SPDYE9: variants seen among roughly 807,000 people sequenced by gnomAD.
SPDYE9 encodes the protein Williams Beuren syndrome chromosome region 19 pseudogene.
chr7:73,085,909 AAAAG>A lies in SPDYE9; in HGVS notation c.-454+4_-454+7del. 8.3e-5 allele frequency: 1 copy of A among 12,004 alleles called. No homozygotes were observed. Among genetic ancestry groups the A allele is most frequent in the East Asian group, 1.8e-3 (1 of 548 alleles). The allele number at this position is 12,004 out of a possible 1,614,324, so 0.7% of individuals were successfully genotyped here. On this transcript the variant is annotated splice_donor_5th_base_variant and intron_variant, in intron 1 of 7. Coordinates refer to ENST00000575125, the MANE Select transcript of SPDYE9 (RefSeq NM_001382554.3). ...AAAAAAAAAAAAAACAAAAAAAACA[AAAAG>A]AACCTGTGGATGAGTTCCCACATGG...
intron 2 of SPDYE9, among the ~76,000 whole-genome samples, chr7:73,083,737 T>C (rs1157208724): frequency 4.2e-4 from 13 of 31,044 alleles, no homozygotes; most frequent in African/African-American, 3.1e-3. Context: ...TTTTCTTCTT[T>C]TTTTTTTTTT....
chr7:73,083,253 C>T (rs1398208104), intron 2 of SPDYE9, 147 bp from the exon 3 acceptor site: 1 of 36,914 alleles, frequency 2.7e-5, no homozygotes, highest in African/African-American at 1.3e-4. Context: ...CTCCTCTGCT[C>T]AACCCCATGT....
chr7:73,083,734 C>CTTTTTTTTTTTTT (rs1311738954), intron 2 of SPDYE9, among the ~76,000 whole-genome samples: 1 of 10,384 alleles, frequency 9.6e-5, no homozygotes, highest in African/African-American at 6.3e-4. Context: ...TTTTTTTCTT[C>CTTTTTTTTTTTTT]TTTTTTTTTT....
At chr7:73,083,734 C>CTTTTTTTT (rs1311738954) in intron 2 of SPDYE9, among the ~76,000 whole-genome samples, 1 of 10,382 alleles carries the variant, frequency 9.6e-5, no homozygotes, top group Non-Finnish European at 1.4e-4. Flanking sequence ...TTTTTTTCTT[C>CTTTTTTTT]TTTTTTTTTT....
At chr7:73,083,734 C>CTTTTTTT (rs1311738954) in intron 2 of SPDYE9, among the ~76,000 whole-genome samples, 1 of 10,382 alleles carries the variant, frequency 9.6e-5, no homozygotes, top group Non-Finnish European at 1.4e-4. Context: ...TTTTTTTCTT[C>CTTTTTTT]TTTTTTTTTT....
intron 5 of SPDYE9, 56 bp downstream of exon 5, chr7:73,080,426 TC>T: frequency 7.4e-6 from 1 of 134,840 alleles, no homozygotes. Flanking sequence ...GAATCCCACT[TC>T]CCCCGCTGTC....
intron 2 of SPDYE9, among the ~76,000 whole-genome samples, chr7:73,083,778 A>G (rs1801481121): frequency 8.9e-6 from 1 of 112,818 alleles, no homozygotes; most frequent in Admixed American, 8.9e-5. Context: ...TTGAGATAGC[A>G]TCTCACTCTG....
At chr7:73,083,381 G>C (rs1801476128) in intron 2 of SPDYE9, among the ~76,000 whole-genome samples, 1 of 63,282 alleles carries the variant, frequency 1.6e-5, no homozygotes, top group Non-Finnish European at 3.6e-5. Flanking sequence ...TTTGTTTCGA[G>C]ACAGAATCTT....
chr7:73,083,470 C>T (rs1801476820), intron 2 of SPDYE9, among the ~76,000 whole-genome samples: 1 of 29,362 alleles, frequency 3.4e-5, no homozygotes, highest in Non-Finnish European at 7.9e-5. Flanking sequence ...CAGTTATTCT[C>T]CTGCCTCAGC....
rs1352955757 is a variant in SPDYE9, at chr7:73,085,895, AAAC to A, written c.-454+19_-454+21del. 2.3e-4 allele frequency: 2 copies of A among 8,712 alleles called. No individual in the cohort carries two copies. The highest frequency in any genetic ancestry group is 4.8e-4 in the African/African-American group (1 of 2,102). 0.5% of individuals were successfully genotyped at this position (8,712 alleles called of 1,614,324 possible). On this transcript the variant is annotated intron_variant, in intron 1 of 7. Transcript: ENST00000575125. The stretch of plus-strand genomic sequence containing the variant: ...AAACTACATCTCAAAAAAAAAAAAA[AAAC>A]AAAAAAAACAAAAAGAACCTGTGGA...
intron 5 of SPDYE9, 122 bp downstream of exon 5, chr7:73,080,360 CT>C: frequency 2.9e-5 from 1 of 34,014 alleles, no homozygotes; most frequent in Non-Finnish European, 5.2e-5. Context: ...ATAATCCTGT[CT>C]TTTTTGTACA....
At chr7:73,083,283 A>C (rs1801475587) in intron 2 of SPDYE9, among the ~76,000 whole-genome samples, 177 bp from the exon 3 acceptor site, 4 of 25,782 alleles carry the variant, frequency 1.6e-4, no homozygotes, top group Non-Finnish European at 1.7e-4. Context: ...TCCCCTCCCC[A>C]TTCTTCCCTC....
intron 2 of SPDYE9, among the ~76,000 whole-genome samples, chr7:73,083,734 C>CTTTTTTTTTTTT (rs1311738954): frequency 1.9e-4 from 2 of 10,384 alleles, no homozygotes; most frequent in African/African-American, 6.3e-4. Flanking sequence ...TTTTTTTCTT[C>CTTTTTTTTTTTT]TTTTTTTTTT....
In SPDYE9 at chr7:73,085,898, C is replaced by CA. The variant is rs55887950; in HGVS notation, c.-454+18dup. On this transcript the variant is annotated intron_variant, in intron 1 of 7. Transcript: ENST00000575125. ...CTACATCTCAAAAAAAAAAAAAAAA[C>CA]AAAAAAAACAAAAAGAACCTGTGGA... 1 of 7,470 alleles carries CA rather than the reference C, an allele frequency of 1.3e-4. No homozygotes were observed. The highest frequency in any genetic ancestry group is 5.5e-4 in the African/African-American group (1 of 1,804). 0.5% of individuals were successfully genotyped at this position (7,470 alleles called of 1,614,324 possible). A position where few individuals can be genotyped will look rare whatever the true frequency, so the allele number is the denominator to read the frequency against.
chr7:73,083,414 G>T (rs1363947295), intron 2 of SPDYE9, among the ~76,000 whole-genome samples: 1 of 46,004 alleles, frequency 2.2e-5, no homozygotes, highest in Non-Finnish European at 5.2e-5. Flanking sequence ...AGGCTGGAGT[G>T]TAGTGGTGCA....
intron 2 of SPDYE9, among the ~76,000 whole-genome samples, chr7:73,083,734 C>CTTTTTTTTTTTTTTTTTT (rs1311738954): frequency 9.6e-5 from 1 of 10,382 alleles, no homozygotes; most frequent in Non-Finnish European, 1.4e-4. Context: ...TTTTTTTCTT[C>CTTTTTTTTTTTTTTTTTT]TTTTTTTTTT....
In SPDYE9 at chr7:73,085,917, CT is replaced by C. The variant is rs1801485750; in HGVS notation, c.-455del. On this transcript the variant is annotated splice_region_variant and 5_prime_UTR_variant, in exon 1 of 8. The change creates a premature stop within an existing upstream ORF in the 5' untranslated region. Transcript: ENST00000575125. ...AAAAAACAAAAAAAACAAAAAGAAC[CT>C]GTGGATGAGTTCCCACATGGCTTCC... The C allele has an allele frequency of 8.0e-5, 1 of 12,566 alleles. No homozygotes were observed. Among genetic ancestry groups the C allele is most frequent in the Non-Finnish European group, 1.6e-4 (1 of 6,414 alleles). 0.8% of individuals were successfully genotyped at this position (12,566 alleles called of 1,614,324 possible). A position where few individuals can be genotyped will look rare whatever the true frequency, so the allele number is the denominator to read the frequency against.
chr7:73,083,734 C>CTTTTTTTTTT (rs1311738954), intron 2 of SPDYE9, among the ~76,000 whole-genome samples: 1 of 10,382 alleles, frequency 9.6e-5, no homozygotes, highest in African/African-American at 6.3e-4. Context: ...TTTTTTTCTT[C>CTTTTTTTTTT]TTTTTTTTTT....
chr7:73,083,074 AC>A lies in SPDYE9; in HGVS notation c.162del (p.Arg54SerfsTer41). Reference sequence around the variant, plus strand: ...TCCCTCTTCCTTTTCCAGCCAAGGGACCTACGTGGGGGGCTGGGATCTACCC... The same window carrying A: ...TCCCTCTTCCTTTTCCAGCCAAGGGACTACGTGGGGGGCTGGGATCTACCC... ...APGVDPSPPR[R>X]SLGWKRKREC... On this transcript the variant is annotated frameshift_variant, in exon 3 of 8. Coordinates refer to ENST00000575125, the MANE Select transcript of SPDYE9 (RefSeq NM_001382554.3). LOFTEE classifies it high-confidence loss of function. The A allele has an allele frequency of 1.6e-5, 1 of 62,428 alleles. No homozygotes were observed. The highest frequency in any genetic ancestry group is 3.1e-5 in the Non-Finnish European group (1 of 31,746). 3.9% of individuals were successfully genotyped at this position (62,428 alleles called of 1,614,324 possible).
Sources: allele counts gnomAD v4.1 joint callset (sites outside exome capture counted in the v4.1 genomes callset), GRCh38; gene constraint gnomAD v4.1.1; transcripts MANE v1.5; gene names NCBI Gene and HGNC (gene_info 2026-07-23, HGNC 2026-07-21).